PKIB: variants seen among roughly 807,000 people sequenced by gnomAD.
PKIB encodes cAMP-dependent protein kinase inhibitor beta.
PKIB carries 2 observed loss-of-function variants against 4.5 expected under a neutral mutation model. The observed-to-expected ratio is 0.44, with a 90% CI of 0.18 to 1.39. The LOEUF is 1.39. Among genes scored for constraint, PKIB ranks in the 40% most tolerant of loss-of-function variants. The pLI is 0.27. For synonymous variants in PKIB, 38 were observed against 36.0 expected (o/e 1.06, Z -0.20); for missense variants, 94 against 92.6 (o/e 1.02, Z -0.06).
intron 2 of PKIB, among the ~76,000 whole-genome samples, chr6:122,495,918 G>C (rs976548160): frequency 6.6e-6 from 1 of 152,100 alleles, no homozygotes; most frequent in African/African-American, 2.4e-5. Context: ...CCCCCACATG[G>C]AGACTCATTT....
intron 2 of PKIB, among the ~76,000 whole-genome samples, chr6:122,525,768 T>C (rs1035695632): frequency 1.3e-5 from 2 of 152,190 alleles, no homozygotes; most frequent in African/African-American, 2.4e-5. Flanking sequence ...GGTTGCTGAC[T>C]GATCAGGGTG....
intron 2 of PKIB, among the ~76,000 whole-genome samples, chr6:122,551,024 C>T (rs562842204): frequency 6.6e-6 from 1 of 152,282 alleles, no homozygotes; most frequent in East Asian, 1.9e-4. Flanking sequence ...TTTGATTCCT[C>T]ATCTTTGCAT....
chr6:122,709,702 T>A (rs1001592863), intron 3 of PKIB, among the ~76,000 whole-genome samples: 1 of 152,220 alleles, frequency 6.6e-6, no homozygotes, highest in Middle Eastern at 3.4e-3. Context: ...GTAAAAATAG[T>A]TCTATTATTT....
At position 122,717,840 on chromosome 6, in the gene PKIB, G is replaced by C; in HGVS notation, c.46G>C (p.Ala16Pro). 6.2e-7 allele frequency: 1 copy of C among 1,614,020 alleles called. No homozygotes were observed. The highest frequency in any genetic ancestry group is 8.5e-7 in the Non-Finnish European group (1 of 1,179,980). ...SKMTDVESGV[A>P]NFASSARAGR... ...AATGACTGACGTGGAGTCTGGGGTC[G>C]CCAATTTTGCATCTTCAGCAAGGGC... Residue 16 changes from alanine to proline, a missense_variant, in exon 4 of 5, where the codon GCC becomes CCC. Transcript: ENST00000368452.
intron 2 of PKIB, among the ~76,000 whole-genome samples, chr6:122,485,496 A>G (rs1582650560): frequency 6.6e-6 from 1 of 152,196 alleles, no homozygotes; most frequent in South Asian, 2.1e-4. Flanking sequence ...TGTCAGTGGT[A>G]AAAACAACAT....
chr6:122,679,920 A>T (rs1582805385), intron 3 of PKIB, among the ~76,000 whole-genome samples: 1 of 152,234 alleles, frequency 6.6e-6, no homozygotes, highest in South Asian at 2.1e-4. Flanking sequence ...TCCCTTAGAT[A>T]ATAGGTAGAG....
chr6:122,488,785 T>C (rs1775849270), intron 2 of PKIB, among the ~76,000 whole-genome samples: 1 of 152,210 alleles, frequency 6.6e-6, no homozygotes, highest in Non-Finnish European at 1.5e-5. Context: ...TTCTAGGCTT[T>C]CCCACCAGGC....
chr6:122,498,305 A>G (rs1249190407), intron 2 of PKIB, among the ~76,000 whole-genome samples: 1 of 152,122 alleles, frequency 6.6e-6, no homozygotes, highest in Non-Finnish European at 1.5e-5. Context: ...CATTTTTAAA[A>G]CCAGTAGATC....
intron 4 of PKIB, among the ~76,000 whole-genome samples, chr6:122,718,889 G>A (rs760845290): frequency 2.6e-5 from 4 of 151,990 alleles, no homozygotes; most frequent in Non-Finnish European, 4.4e-5. Flanking sequence ...GCAGTTCCAT[G>A]ATTACCTCAT....
chr6:122,573,754 C>A (rs1046935982), intron 2 of PKIB, among the ~76,000 whole-genome samples: 1 of 151,920 alleles, frequency 6.6e-6, no homozygotes, highest in African/African-American at 2.4e-5. Context: ...CAAAAATAGG[C>A]ATAGAAAGGA....
At chr6:122,549,559 C>A (rs1772607772) in intron 2 of PKIB, among the ~76,000 whole-genome samples, 1 of 152,008 alleles carries the variant, frequency 6.6e-6, no homozygotes, top group African/African-American at 2.4e-5. Flanking sequence ...GGTATTCAGT[C>A]AATTCTTAAC....
intron 2 of PKIB, among the ~76,000 whole-genome samples, chr6:122,550,622 T>C (rs1202973636): frequency 6.6e-6 from 1 of 152,152 alleles, no homozygotes; most frequent in East Asian, 1.9e-4. Flanking sequence ...TTTTATGGAG[T>C]CATACATCTG....
chr6:122,601,598 CTCCTCT>C (rs1256309694), intron 3 of PKIB, among the ~76,000 whole-genome samples: 1 of 152,208 alleles, frequency 6.6e-6, no homozygotes, highest in African/African-American at 2.4e-5. Flanking sequence ...AGACCAACCC[CTCCTCT>C]TCCTCTTCCT....
intron 2 of PKIB, among the ~76,000 whole-genome samples, chr6:122,647,737 T>C (rs1257503324): frequency 1.3e-5 from 2 of 152,172 alleles, no homozygotes; most frequent in Non-Finnish European, 2.9e-5. Context: ...TCTAACAAAA[T>C]AAGGGATGCT....
At chr6:122,517,943 A>G (rs1425712092) in intron 2 of PKIB, among the ~76,000 whole-genome samples, 1 of 152,196 alleles carries the variant, frequency 6.6e-6, no homozygotes, top group Non-Finnish European at 1.5e-5. Flanking sequence ...CTCCAAAAAT[A>G]GTTTTTATAT....
chr6:122,719,834 T>C (rs541930906), intron 4 of PKIB, among the ~76,000 whole-genome samples: 1 of 152,124 alleles, frequency 6.6e-6, no homozygotes, highest in Admixed American at 6.5e-5. Context: ...TATGCATGTA[T>C]CAAAACATCA....
chr6:122,671,916 A>C (rs965923621), intron 2 of PKIB, among the ~76,000 whole-genome samples: 3 of 152,166 alleles, frequency 2.0e-5, no homozygotes, highest in Non-Finnish European at 4.4e-5. Flanking sequence ...AGAAAAAATA[A>C]GTATTTATTG....
intron 2 of PKIB, among the ~76,000 whole-genome samples, chr6:122,672,339 A>G (rs896269128): frequency 1.3e-5 from 2 of 152,216 alleles, no homozygotes; most frequent in Non-Finnish European, 2.9e-5. Context: ...AATATTCCTC[A>G]TCTAAAAACA....
intron 2 of PKIB, among the ~76,000 whole-genome samples, chr6:122,578,919 C>G (rs1427223900): frequency 6.6e-6 from 1 of 152,138 alleles, no homozygotes; most frequent in Non-Finnish European, 1.5e-5. Flanking sequence ...TCTTTTGCTC[C>G]TTTTTCTCCT....
Sources: allele counts gnomAD v4.1 joint callset (sites outside exome capture counted in the v4.1 genomes callset), GRCh38; gene constraint gnomAD v4.1.1; transcripts MANE v1.5; gene names NCBI Gene and HGNC (gene_info 2026-07-23, HGNC 2026-07-21).